LSAMP: variants seen among roughly 807,000 people sequenced by gnomAD.
The protein encoded by LSAMP is limbic system-associated membrane protein.
LSAMP carries 7 observed loss-of-function variants against 38.6 expected under a neutral mutation model. The observed-to-expected ratio is 0.18, with a 90% CI of 0.10 to 0.34. The LOEUF (loss-of-function observed/expected upper bound fraction) is 0.34. LSAMP is among the 10% of genes least tolerant of loss of function. LSAMP has a pLI of 1.00. For synonymous variants in LSAMP, 154 were observed against 166.8 expected, an observed-to-expected ratio of 0.92 and a Z score of 0.59; for missense variants, 313 against 420.0, an observed-to-expected ratio of 0.75 and a Z score of 2.23.
At chr3:116,333,502 C>G (rs1236922461) in intron 1 of LSAMP, among the ~76,000 whole-genome samples, 2 of 145,294 alleles carry the variant, frequency 1.4e-5, no homozygotes, top group Non-Finnish European at 3.0e-5. Context: ...CCACTGCACT[C>G]TAGCCTGGGT....
intron 3 of LSAMP, among the ~76,000 whole-genome samples, chr3:115,875,261 C>T (rs569294155): frequency 6.6e-6 from 1 of 152,148 alleles, no homozygotes; most frequent in South Asian, 2.1e-4. Flanking sequence ...TGTATTTGTC[C>T]CAAATATATT....
intron 3 of LSAMP, among the ~76,000 whole-genome samples, chr3:115,854,773 C>G (rs1395749866): frequency 2.0e-5 from 3 of 152,162 alleles, no homozygotes; most frequent in African/African-American, 7.2e-5. Context: ...GATGCTAAGA[C>G]TCTTCTAGCT....
intron 2 of LSAMP, among the ~76,000 whole-genome samples, chr3:116,077,944 T>C (rs1707782895): frequency 6.6e-6 from 1 of 152,230 alleles, no homozygotes; most frequent in Non-Finnish European, 1.5e-5. Flanking sequence ...ACAGAAGTGA[T>C]GTGTGTTTAG....
intron 3 of LSAMP, among the ~76,000 whole-genome samples, chr3:115,984,206 G>T (rs1939445146): frequency 6.6e-6 from 1 of 152,006 alleles, no homozygotes; most frequent in African/African-American, 2.4e-5. Context: ...TGCCTGAATG[G>T]GGGTGCTATT....
At position 115,887,603 on chromosome 3, in the gene LSAMP, T is replaced by TG. The variant is rs1936488715; in HGVS notation, c.515-34987dup. Among the ~76,000 whole-genome samples the TG allele has an allele frequency of 3.9e-5, 6 of 152,048 alleles. No individual in the cohort carries two copies. The South Asian group carries it at 8.3e-4, about 21-fold the overall frequency. ...TTAACCTGTTTCTCTGTTAATTTGT[T>TG]GGGGTACAGAGATAAGATGTGGATT... On this transcript the variant is annotated intron_variant, in intron 3 of 6. Transcript: ENST00000490035.
intron 1 of LSAMP, among the ~76,000 whole-genome samples, chr3:116,155,453 C>G (rs1308011587): frequency 6.6e-6 from 1 of 152,134 alleles, no homozygotes; most frequent in East Asian, 1.9e-4. Context: ...GTTTCGAACT[C>G]CTGACTTCAG....
At chr3:116,440,059 A>C (rs774939297) in intron 1 of LSAMP, among the ~76,000 whole-genome samples, 31 of 152,226 alleles carry the variant, frequency 2.0e-4, no homozygotes, top group Admixed American at 5.9e-4. Flanking sequence ...TGAAGCTCAA[A>C]GTATTCAAGA....
At chr3:116,019,421 G>T in intron 3 of LSAMP, 94 bp downstream of exon 3, 1 of 1,423,246 alleles carries the variant, frequency 7.0e-7, no homozygotes, top group Non-Finnish European at 9.7e-7. Flanking sequence ...TTCTGATTCT[G>T]AATTGAATTG....
rs529051119 is a variant in LSAMP, at chr3:116,108,722, G to A, written c.156-22166C>T. 1.1e-4 allele frequency among the ~76,000 whole-genome samples: 17 copies of A among 152,328 alleles called. No individual in the cohort carries two copies. The South Asian group carries it at 3.1e-3, about 28-fold the overall frequency. On this transcript the variant is annotated intron_variant, in intron 1 of 6. Coordinates refer to ENST00000490035, the MANE Select transcript of LSAMP (RefSeq NM_002338.5). ...CGCAGAGATGGGACGTGGCTTAGGA[G>A]AAATCCTGGGCTGCAGGCATTCCTT...
At chr3:115,869,118 T>A (rs960253909) in intron 3 of LSAMP, among the ~76,000 whole-genome samples, 2 of 152,012 alleles carry the variant, frequency 1.3e-5, no homozygotes, top group African/African-American at 4.8e-5. Context: ...TACGCTAAAA[T>A]AAAAAATTCA....
intron 1 of LSAMP, among the ~76,000 whole-genome samples, chr3:116,315,928 G>A (rs1353847273): frequency 5.3e-5 from 8 of 152,144 alleles, no homozygotes; most frequent in South Asian, 4.1e-4. Flanking sequence ...GTTCAGAAAC[G>A]AATGGCATTC....
intron 1 of LSAMP, among the ~76,000 whole-genome samples, chr3:116,276,674 TAAA>T (rs559344326): frequency 1.2e-5 from 1 of 81,956 alleles, no homozygotes; most frequent in Admixed American, 1.3e-4. Flanking sequence ...TATGGAAAAA[TAAA>T]AAAAAAGAAA....
At chr3:116,144,488 A>T (rs1709446038) in intron 1 of LSAMP, among the ~76,000 whole-genome samples, 1 of 151,686 alleles carries the variant, frequency 6.6e-6, no homozygotes, top group Non-Finnish European at 1.5e-5. Flanking sequence ...GTGCCACTAC[A>T]TTCCAGCCTG....
At chr3:116,004,487 T>TACAC (rs1193601949) in intron 3 of LSAMP, among the ~76,000 whole-genome samples, 14 of 149,724 alleles carry the variant, frequency 9.4e-5, no homozygotes, top group Admixed American at 8.1e-4. Context: ...TATGCATACA[T>TACAC]ACATGAAACC....
intron 2 of LSAMP, among the ~76,000 whole-genome samples, 187 bp from the exon 3 acceptor site, chr3:116,019,827 A>G (rs943439830): frequency 1.3e-5 from 2 of 152,216 alleles, no homozygotes; most frequent in East Asian, 1.9e-4. Flanking sequence ...CTAAAGCACT[A>G]CTATAAGGTA....
chr3:116,090,228 A>C (rs1708089950), intron 1 of LSAMP, among the ~76,000 whole-genome samples: 1 of 151,900 alleles, frequency 6.6e-6, no homozygotes, highest in Non-Finnish European at 1.5e-5. Flanking sequence ...AAAAAAAAGA[A>C]AGAGAAAGAA....
At chr3:116,396,247 A>G (rs1182847578) in intron 1 of LSAMP, among the ~76,000 whole-genome samples, 1 of 152,210 alleles carries the variant, frequency 6.6e-6, no homozygotes, top group Non-Finnish European at 1.5e-5. Flanking sequence ...ATGCAATTCT[A>G]TCCTCTAAAA....
chr3:116,426,670 T>C (rs2049200425), intron 1 of LSAMP, among the ~76,000 whole-genome samples: 1 of 152,072 alleles, frequency 6.6e-6, no homozygotes, highest in South Asian at 2.1e-4. Flanking sequence ...TGCAGCACAA[T>C]AGGGAAACCA....
At chr3:116,032,736 G>T (rs1485150692) in intron 2 of LSAMP, among the ~76,000 whole-genome samples, 6 of 152,116 alleles carry the variant, frequency 3.9e-5, no homozygotes, top group Non-Finnish European at 8.8e-5. Context: ...CAGGGAGATG[G>T]AGGCTGCAGT....
Sources: gnomAD v4.1 joint callset for allele counts (sites outside exome capture counted in the v4.1 genomes callset) on GRCh38, gnomAD v4.1.1 for gene constraint, MANE v1.5 for transcripts, NCBI Gene and HGNC (gene_info 2026-07-23, HGNC 2026-07-21) for gene names.